Variants in LRMDA observed in about 807,000 individuals in gnomAD.
LRMDA encodes the protein leucine-rich melanocyte differentiation-associated protein.
In LRMDA, 18 loss-of-function variants were observed where a neutral mutation model predicts 29.8. The observed-to-expected ratio is 0.60, with a 90% confidence interval of 0.42 to 0.90. The LOEUF is 0.90. Ranked by LOEUF, LRMDA falls within the 40% of genes least tolerant of loss-of-function variation. The pLI is 0.00. For missense variants in LRMDA, 273 were observed against 273.9 expected (o/e 1.00, Z 0.02); for synonymous variants, 125 against 109.4 (o/e 1.14, Z -0.89).
chr10:75,565,896 G>A (rs967627212), intron 2 of LRMDA, among the ~76,000 whole-genome samples: 2 of 152,108 alleles, frequency 1.3e-5, no homozygotes, highest in East Asian at 1.9e-4. Context: ...GAAACATAGC[G>A]AGACCACATC....
chr10:76,427,276 C>T (rs11001777), intron 6 of LRMDA, among the ~76,000 whole-genome samples: 2 of 151,828 alleles, frequency 1.3e-5, no homozygotes, highest in South Asian at 4.2e-4. Context: ...TCTTTTATTT[C>T]ATTGAGCAGT....
intron 2 of LRMDA, among the ~76,000 whole-genome samples, chr10:75,608,559 T>A (rs997878969): frequency 2.6e-5 from 4 of 152,162 alleles, no homozygotes; most frequent in African/African-American, 9.7e-5. Flanking sequence ...AATGTTCAGT[T>A]CACTAATGTA....
chr10:75,689,913 A>G (rs1842124182), intron 2 of LRMDA, among the ~76,000 whole-genome samples: 1 of 152,046 alleles, frequency 6.6e-6, no homozygotes, highest in Non-Finnish European at 1.5e-5. Flanking sequence ...GTAGAGCCAC[A>G]GAATCTTCAC....
At chr10:76,232,427 A>T (rs779858891) in intron 5 of LRMDA, among the ~76,000 whole-genome samples, 1 of 152,234 alleles carries the variant, frequency 6.6e-6, no homozygotes, top group Non-Finnish European at 1.5e-5. Flanking sequence ...ACCCAGTGAG[A>T]TCTAGAAGTT....
Position 76,027,204 on chromosome 10 carries a change from C to T in LRMDA, c.132-8804C>T, listed in dbSNP as rs78597306. Among the ~76,000 whole-genome samples the T allele has an allele frequency of 1.3e-3, 196 of 152,228 alleles. 2 individuals are homozygous for T. In the East Asian group the frequency reaches 0.031, roughly 24 times the overall value. ...GGCACCTGGAATTCAAACAAAGCTC[C>T]AGGCACAGGCACTTAGGGGCCAGGA... On this transcript the variant is annotated intron_variant, in intron 2 of 6. Transcript: ENST00000611255.
chr10:75,784,605 A>C (rs2132246077), intron 2 of LRMDA, among the ~76,000 whole-genome samples: 1 of 151,780 alleles, frequency 6.6e-6, no homozygotes, highest in South Asian at 2.1e-4. Context: ...AGGCTGAGGC[A>C]GGAGAATGGC....
At chr10:76,466,148 A>G (rs1220002185) in intron 6 of LRMDA, among the ~76,000 whole-genome samples, 1 of 152,196 alleles carries the variant, frequency 6.6e-6, no homozygotes, top group Non-Finnish European at 1.5e-5. Context: ...AGAAGCAACT[A>G]CCATAACCTT....
chr10:75,510,500 G>C (rs546235211), intron 2 of LRMDA, among the ~76,000 whole-genome samples: 1 of 152,208 alleles, frequency 6.6e-6, no homozygotes, highest in Admixed American at 6.5e-5. Flanking sequence ...AGCACTAGAG[G>C]GGGTGGAGTA....
chr10:76,448,011 A>G (rs1299279088), intron 6 of LRMDA, among the ~76,000 whole-genome samples: 1 of 152,202 alleles, frequency 6.6e-6, no homozygotes, highest in South Asian at 2.1e-4. Flanking sequence ...TAAGTTTACA[A>G]TGTTATCTTG....
intron 6 of LRMDA, among the ~76,000 whole-genome samples, chr10:76,446,049 C>T (rs542217614): frequency 5.9e-5 from 9 of 152,262 alleles, no homozygotes; most frequent in Non-Finnish European, 1.3e-4. Flanking sequence ...GTCCTTTTAT[C>T]CTTTTATTGC....
chr10:76,034,591 G>C (rs1848209338), intron 2 of LRMDA, among the ~76,000 whole-genome samples: 1 of 152,078 alleles, frequency 6.6e-6, no homozygotes, highest in Non-Finnish European at 1.5e-5. Flanking sequence ...TTTATACCTC[G>C]TAAGTATTGA....
intron 2 of LRMDA, among the ~76,000 whole-genome samples, chr10:75,657,036 A>G (rs1267995691): frequency 6.6e-6 from 1 of 152,204 alleles, no homozygotes; most frequent in African/African-American, 2.4e-5. Context: ...AGGAAGGAGC[A>G]TGGAAGAAAA....
At chr10:76,521,280 C>T (rs1182097352) in intron 6 of LRMDA, among the ~76,000 whole-genome samples, 2 of 152,038 alleles carry the variant, frequency 1.3e-5, no homozygotes, top group Admixed American at 6.5e-5. Context: ...ACTACAGGCG[C>T]CTGCCACCAC....
intron 2 of LRMDA, among the ~76,000 whole-genome samples, chr10:75,456,475 T>C (rs540816528): frequency 5.9e-5 from 9 of 152,304 alleles, no homozygotes; most frequent in Admixed American, 5.2e-4. Flanking sequence ...CCTGGGAGAA[T>C]TGGTAGATTA....
chr10:75,692,847 C>A (rs1004408517), intron 2 of LRMDA, among the ~76,000 whole-genome samples: 1 of 152,050 alleles, frequency 6.6e-6, no homozygotes, highest in South Asian at 2.1e-4. Flanking sequence ...GTCAGCACAA[C>A]CTTGCCTCTA....
chr10:76,078,858 A>C (rs1794512937), intron 5 of LRMDA, among the ~76,000 whole-genome samples: 1 of 152,076 alleles, frequency 6.6e-6, no homozygotes, highest in South Asian at 2.1e-4. Flanking sequence ...AACAAACAAA[A>C]AAAATGGATT....
At chr10:75,726,978 G>A (rs1270795991) in intron 2 of LRMDA, among the ~76,000 whole-genome samples, 1 of 152,170 alleles carries the variant, frequency 6.6e-6, no homozygotes, top group Admixed American at 6.5e-5. Flanking sequence ...CCACATAGAG[G>A]CCAGCACATG....
intron 2 of LRMDA, among the ~76,000 whole-genome samples, chr10:75,707,454 C>G (rs143615942): frequency 6.6e-6 from 1 of 152,174 alleles, no homozygotes; most frequent in Non-Finnish European, 1.5e-5. Context: ...CCCATGGATG[C>G]CAGGCAGATT....
intron 5 of LRMDA, among the ~76,000 whole-genome samples, chr10:76,110,813 C>G (rs925616380): frequency 1.3e-5 from 2 of 152,134 alleles, no homozygotes; most frequent in African/African-American, 4.8e-5. Context: ...TCTTCCCAGT[C>G]TCAGGTATGT....
Sources: allele counts gnomAD v4.1 joint callset (sites outside exome capture counted in the v4.1 genomes callset), GRCh38; gene constraint gnomAD v4.1.1; transcripts MANE v1.5; gene names NCBI Gene and HGNC (gene_info 2026-07-23, HGNC 2026-07-21).